ANAPC1: variants seen among roughly 807,000 people sequenced by gnomAD.
ANAPC1 encodes the protein anaphase promoting complex subunit 1, also known as anaphase-promoting complex subunit 1.
Under a neutral mutation model 208.0 loss-of-function variants are expected in ANAPC1, and 36 were observed. The ratio of observed to expected loss-of-function variants is 0.17; its 90% CI spans 0.13 to 0.23. The LOEUF is 0.23. Ranked by LOEUF, ANAPC1 falls within the 10% of genes least tolerant of loss-of-function variation. The probability of loss-of-function intolerance (pLI) is 1.00; values close to 1 mark genes in which losing one functional copy is unlikely to be tolerated. For synonymous variants in ANAPC1, 378 were observed against 695.2 expected (o/e 0.54, Z 7.18); for missense variants, 942 against 2,011.6 (o/e 0.47, Z 10.17).
At chr2:111,819,053 T>TC (rs1462463276) in intron 26 of ANAPC1, 95 bp from the exon 27 acceptor site, 7 of 1,323,256 alleles carry the variant, frequency 5.3e-6, no homozygotes, top group Non-Finnish European at 3.0e-6. Flanking sequence ...GTGTACTGTA[T>TC]AAGATGAAGT....
At chr2:111,789,545 T>C (rs897036061) in intron 38 of ANAPC1, among the ~76,000 whole-genome samples, 1 of 146,226 alleles carries the variant, frequency 6.8e-6, no homozygotes, top group African/African-American at 2.5e-5. Flanking sequence ...ATATATTTAA[T>C]GGATTAGAAA....
intron 46 of ANAPC1, among the ~76,000 whole-genome samples, chr2:111,775,523 A>T (rs1430800964): frequency 2.0e-5 from 3 of 152,262 alleles, no homozygotes; most frequent in African/African-American, 4.8e-5. Flanking sequence ...GTTTTGTTTT[A>T]AAAAAAATTC....
intron 6 of ANAPC1, among the ~76,000 whole-genome samples, chr2:111,868,753 G>A (rs1382319837): frequency 6.6e-6 from 1 of 152,118 alleles, no homozygotes; most frequent in African/African-American, 2.4e-5. Context: ...GGCTGGTCTT[G>A]AACTCCTGAC....
At position 111,825,792 on chromosome 2, in the gene ANAPC1, T is replaced by C. The variant is rs1434757172; in HGVS notation, c.2689A>G (p.Thr897Ala). Residue 897 changes from threonine (T) to alanine (A), a missense_variant, in exon 22 of 48, where the codon ACC (threonine) becomes GCC (alanine). By Grantham distance (58) the Thr-to-Ala change is moderately conservative. Transcript: ENST00000341068. ...LVSDESSQYL[T>A]RITIAPQKLQ... ...ACCAACTTACCTATAGTTATTCTGGTTAAATACTGTGAGGATTCATCAGAA... is the reference window on the plus strand; with the variant it reads ...ACCAACTTACCTATAGTTATTCTGGCTAAATACTGTGAGGATTCATCAGAA... The C allele has an allele frequency of 1.2e-6, 2 of 1,613,814 alleles. No homozygotes were observed. Among genetic ancestry groups the C allele is most frequent in the South Asian group, 2.2e-5 (2 of 91,062 alleles).
rs140854934 is a variant in ANAPC1, at chr2:111,863,671, A to G, written c.1052+4T>C. ...TAGAAAGAAAAACCAGGAAACCCTT[A>G]TACCTTAGAGCTGCCATGTTGGAAA... On this transcript the variant is annotated splice_donor_region_variant and intron_variant, in intron 9 of 47. Transcript: ENST00000341068. 6.2e-7 allele frequency: 1 copy of G among 1,612,614 alleles called. No homozygotes were observed. The highest frequency in any genetic ancestry group is 8.5e-7 in the Non-Finnish European group (1 of 1,179,036).
At position 111,832,937 on chromosome 2, in the gene ANAPC1, C is replaced by CAAAAAAAAAAAAAAA. The variant is rs908553180; in HGVS notation, c.2476+268_2476+282dup. Among the ~76,000 whole-genome samples the CAAAAAAAAAAAAAAA allele has an allele frequency of 3.1e-3, 168 of 53,560 alleles. 19 individuals are homozygous for CAAAAAAAAAAAAAAA. Among genetic ancestry groups the CAAAAAAAAAAAAAAA allele is most frequent in the Middle Eastern group, 0.043 (2 of 46 alleles). 35.1% of individuals were successfully genotyped at this position (53,560 alleles called of 152,430 possible). ...TGGGTGACAGAGCGAGACTCAGTCT[C>CAAAAAAAAAAAAAAA]AAAAAAAAAAAAAAAAAAAGCATCC... On this transcript the variant is annotated intron_variant, in intron 20 of 47. Coordinates refer to ENST00000341068, the MANE Select transcript of ANAPC1 (RefSeq NM_022662.4).
At position 111,825,777 on chromosome 2, in the gene ANAPC1, C is replaced by T; in HGVS notation, c.2704G>A (p.Ala902Thr). The T allele has an allele frequency of 6.2e-7, 1 of 1,612,920 alleles. No individual in the cohort carries two copies. Among genetic ancestry groups the T allele is most frequent in the South Asian group, 1.1e-5 (1 of 90,886 alleles). The change falls in exon 22 of 48, where the codon GCC becomes ACC. Residue 902 changes from alanine (A) to threonine (T), a missense_variant and splice_region_variant. Physicochemically the swap from Ala to Thr is moderately conservative, Grantham distance 58. Coordinates refer to ENST00000341068, the MANE Select transcript of ANAPC1 (RefSeq NM_022662.4). ...CAGAGGCAACATTGCACCAACTTAC[C>T]TATAGTTATTCTGGTTAAATACTGT... The part of the protein sequence containing the change: ...SSQYLTRITI[A>T]PQKLQVEQEE...
At chr2:111,824,718 C>A (rs1345655189) in intron 24 of ANAPC1, among the ~76,000 whole-genome samples, 1 of 152,104 alleles carries the variant, frequency 6.6e-6, no homozygotes, top group Non-Finnish European at 1.5e-5. Flanking sequence ...ATAGCCACAG[C>A]CTCAAATGTT....
chr2:111,856,190 G>T (rs150383849), intron 13 of ANAPC1, among the ~76,000 whole-genome samples: 115 of 152,302 alleles, frequency 7.6e-4, no homozygotes, highest in African/African-American at 2.5e-3. Context: ...AGCCGAGATC[G>T]TGCCATTGCA....
At chr2:111,866,090 G>A in intron 7 of ANAPC1, 1 of 185,400 alleles carries the variant, frequency 5.4e-6, no homozygotes, top group Non-Finnish European at 1.1e-5. Flanking sequence ...TGTAGTCCCA[G>A]CTACTCGGGA....
At chr2:111,818,533 A>G (rs1679354476) in intron 27 of ANAPC1, among the ~76,000 whole-genome samples, 1 of 151,234 alleles carries the variant, frequency 6.6e-6, no homozygotes, top group Non-Finnish European at 1.5e-5. Context: ...ATTAAACTTA[A>G]GATTATTTAA....
intron 47 of ANAPC1, among the ~76,000 whole-genome samples, chr2:111,769,724 G>A (rs1392380404): frequency 2.5e-4 from 31 of 125,246 alleles, no homozygotes; most frequent in Admixed American, 1.0e-3. Context: ...CTTTGCCACC[G>A]GGGCTGGAGT....
chr2:111,853,578 G>A lies in ANAPC1; in HGVS notation c.1516-2668C>T, dbSNP rs543743729. Among the ~76,000 whole-genome samples the A allele has an allele frequency of 5.1e-3, 780 of 151,994 alleles. 4 individuals are homozygous for A. The highest frequency in any genetic ancestry group is 0.018 in the African/African-American group (727 of 41,464). On this transcript the variant is annotated intron_variant, in intron 13 of 47. Transcript: ENST00000341068. ...CACATCTGCAGTGACTTCCTCCACT[G>A]AAGTTTTGAGCCCCTCAAAGTCACC...
chr2:111,869,689 G>C (rs1682635317), intron 6 of ANAPC1, among the ~76,000 whole-genome samples: 2 of 152,222 alleles, frequency 1.3e-5, no homozygotes, highest in South Asian at 4.1e-4. Flanking sequence ...GGGACCCTAA[G>C]TGTTTTGGAT....
At chr2:111,873,009 A>C (rs923811061) in intron 5 of ANAPC1, 1 of 457,042 alleles carries the variant, frequency 2.2e-6, no homozygotes, top group Non-Finnish European at 3.9e-6. Context: ...GATGAGTAAC[A>C]AAAAAAGACT....
chr2:111,777,411 A>G (rs1677050817), intron 45 of ANAPC1, among the ~76,000 whole-genome samples: 1 of 152,074 alleles, frequency 6.6e-6, no homozygotes, highest in East Asian at 1.9e-4. Context: ...CCCAGGGGGT[A>G]GAGGGCAAGA....
At chr2:111,864,329 AGATGATGATGATGAT>A (rs200879980) in intron 8 of ANAPC1, among the ~76,000 whole-genome samples, 11 of 110,720 alleles carry the variant, frequency 9.9e-5, no homozygotes, top group South Asian at 3.5e-4. Context: ...CTGTCTCTAG[AGATGATGATGATGAT>A]GATGATGATG....
intron 27 of ANAPC1, among the ~76,000 whole-genome samples, chr2:111,816,389 A>C (rs1393868908): frequency 6.6e-6 from 1 of 151,798 alleles, no homozygotes; most frequent in Non-Finnish European, 1.5e-5. Flanking sequence ...ATAGATATCT[A>C]ATTATATGCT....
chr2:111,828,661 G>T (rs577461785), intron 21 of ANAPC1, among the ~76,000 whole-genome samples: 4 of 152,304 alleles, frequency 2.6e-5, no homozygotes, highest in African/African-American at 7.2e-5. Flanking sequence ...GATGAACATT[G>T]AAAACATTAT....
Sources: gnomAD v4.1 joint callset for allele counts (sites outside exome capture counted in the v4.1 genomes callset) on GRCh38, gnomAD v4.1.1 for gene constraint, MANE v1.5 for transcripts, NCBI Gene and HGNC (gene_info 2026-07-23, HGNC 2026-07-21) for gene names.